The following CHCHD3 variants were observed in gnomAD, a reference collection of about 807,000 sequenced individuals.
CHCHD3 encodes MICOS complex subunit MIC19.
In CHCHD3, 20 loss-of-function variants were observed where a neutral mutation model predicts 38.2. That is an observed-to-expected ratio of 0.52 (90% CI 0.37 to 0.76). The LOEUF is 0.76. Ranked by LOEUF, CHCHD3 falls within the 30% of genes least tolerant of loss-of-function variation. CHCHD3 has a pLI of 0.00. For missense variants in CHCHD3, 245 were observed against 279.2 expected (o/e 0.88, Z 0.87); for synonymous variants, 82 against 100.0 (o/e 0.82, Z 1.07).
intron 3 of CHCHD3, among the ~76,000 whole-genome samples, chr7:132,983,310 G>C (rs745900143): frequency 7.2e-5 from 11 of 152,156 alleles, no homozygotes; most frequent in Non-Finnish European, 1.5e-4. Context: ...GTGACAGACC[G>C]AGACTCTATC....
chr7:132,800,582 C>T (rs1806764740), intron 6 of CHCHD3, among the ~76,000 whole-genome samples: 1 of 152,138 alleles, frequency 6.6e-6, no homozygotes, highest in Non-Finnish European at 1.5e-5. Flanking sequence ...TAACACTCCT[C>T]ACACCACTCT....
intron 4 of CHCHD3, among the ~76,000 whole-genome samples, chr7:132,888,540 C>T (rs1809274678): frequency 6.6e-6 from 1 of 151,816 alleles, no homozygotes; most frequent in African/African-American, 2.4e-5. Flanking sequence ...CATTAATCTT[C>T]TTATGTGGCC....
intron 2 of CHCHD3, among the ~76,000 whole-genome samples, chr7:133,042,037 A>G (rs908035662): frequency 6.6e-6 from 1 of 152,256 alleles, no homozygotes; most frequent in Non-Finnish European, 1.5e-5. Context: ...GCATTAGTGT[A>G]AAGTTCTGTA....
At chr7:132,967,762 C>T (rs1363726192) in intron 4 of CHCHD3, among the ~76,000 whole-genome samples, 1 of 149,186 alleles carries the variant, frequency 6.7e-6, no homozygotes, top group East Asian at 2.0e-4. Flanking sequence ...CCTGGGAGGT[C>T]AAGGCTGCAA....
chr7:133,007,914 G>C (rs538199242), intron 3 of CHCHD3, among the ~76,000 whole-genome samples: 1 of 152,164 alleles, frequency 6.6e-6, no homozygotes, highest in African/African-American at 2.4e-5. Flanking sequence ...TTAACAAGAT[G>C]TTCTACAGGT....
chr7:132,925,668 G>A (rs745804212), intron 4 of CHCHD3, among the ~76,000 whole-genome samples: 8 of 152,014 alleles, frequency 5.3e-5, no homozygotes, highest in East Asian at 3.8e-4. Flanking sequence ...AGCACTCACC[G>A]CACACGTATA....
chr7:132,787,382 G>A (rs1806345815), intron 7 of CHCHD3, among the ~76,000 whole-genome samples: 2 of 152,088 alleles, frequency 1.3e-5, no homozygotes, highest in South Asian at 2.1e-4. Flanking sequence ...CCAGACAAAG[G>A]TGGAAACAAG....
At chr7:132,850,302 T>C (rs1808182528) in intron 5 of CHCHD3, among the ~76,000 whole-genome samples, 1 of 152,222 alleles carries the variant, frequency 6.6e-6, no homozygotes, top group Non-Finnish European at 1.5e-5. Context: ...GCAAAATTAA[T>C]AAACTGCTTT....
At chr7:132,871,939 A>C (rs1808776895) in intron 5 of CHCHD3, among the ~76,000 whole-genome samples, 1 of 152,180 alleles carries the variant, frequency 6.6e-6, no homozygotes, top group African/African-American at 2.4e-5. Context: ...AAGTTGGGGA[A>C]AAAAAAGTAA....
At chr7:132,793,844 T>C (rs1012804871) in intron 7 of CHCHD3, among the ~76,000 whole-genome samples, 1 of 152,164 alleles carries the variant, frequency 6.6e-6, no homozygotes, top group African/African-American at 2.4e-5. Flanking sequence ...ACAGGAAACA[T>C]AAGAAGAAAA....
chr7:132,807,264 G>C (rs554465513), intron 6 of CHCHD3, among the ~76,000 whole-genome samples: 24 of 152,232 alleles, frequency 1.6e-4, no homozygotes, highest in African/African-American at 5.1e-4. Flanking sequence ...GATGCTCAAC[G>C]CTGGCAAGGG....
intron 4 of CHCHD3, among the ~76,000 whole-genome samples, chr7:132,927,683 A>G (rs1171546681): frequency 1.3e-5 from 2 of 152,232 alleles, no homozygotes; most frequent in African/African-American, 2.4e-5. Context: ...ATTTAAGCCT[A>G]TTCTTGGAAC....
chr7:132,880,580 C>T (rs1005377356), intron 5 of CHCHD3, among the ~76,000 whole-genome samples: 2 of 152,056 alleles, frequency 1.3e-5, no homozygotes, highest in African/African-American at 4.8e-5. Context: ...ATCTAGGATT[C>T]ATTCACTGTG....
At chr7:133,041,903 C>T (rs1237370018) in intron 2 of CHCHD3, among the ~76,000 whole-genome samples, 1 of 152,196 alleles carries the variant, frequency 6.6e-6, no homozygotes, top group Non-Finnish European at 1.5e-5. Flanking sequence ...CTTTGATACG[C>T]TAATAGTCCT....
intron 6 of CHCHD3, 151 bp from the exon 7 acceptor site, chr7:132,796,728 T>C (rs1474885379): frequency 3.0e-6 from 2 of 666,862 alleles, no homozygotes; most frequent in South Asian, 2.5e-5. Context: ...ACTTCAAAGA[T>C]AGCTAAATTT....
intron 6 of CHCHD3, among the ~76,000 whole-genome samples, chr7:132,820,449 TTCTC>T (rs777429605): frequency 2.5e-4 from 38 of 152,114 alleles, no homozygotes; most frequent in Non-Finnish European, 5.9e-5. Context: ...GGAGGGAGGC[TTCTC>T]TTTGCTATGG....
At chr7:132,841,461 C>T (rs935872527) in intron 5 of CHCHD3, among the ~76,000 whole-genome samples, 1 of 146,266 alleles carries the variant, frequency 6.8e-6, no homozygotes, top group Non-Finnish European at 1.5e-5. Context: ...CAACAAAAAA[C>T]ACTCATTCTG....
intron 6 of CHCHD3, among the ~76,000 whole-genome samples, chr7:132,834,024 T>C (rs1028783360): frequency 2.0e-5 from 3 of 152,192 alleles, no homozygotes; most frequent in Non-Finnish European, 2.9e-5. Context: ...AGAGGAACTG[T>C]TGAGTTCCGG....
chr7:132,805,244 T>C (rs1233202372), intron 6 of CHCHD3, among the ~76,000 whole-genome samples: 2 of 151,424 alleles, frequency 1.3e-5, no homozygotes, highest in Non-Finnish European at 2.9e-5. Context: ...GCAACCGAAG[T>C]GTCAAGGAAA....
Sources: allele counts gnomAD v4.1 joint callset (sites outside exome capture counted in the v4.1 genomes callset), GRCh38; gene constraint gnomAD v4.1.1; transcripts MANE v1.5; gene names NCBI Gene and HGNC (gene_info 2026-07-23, HGNC 2026-07-21).